Variants in MED16 observed in about 807,000 individuals in gnomAD.
The protein encoded by MED16 is mediator complex subunit 16.
Under a neutral mutation model 84.4 loss-of-function variants are expected in MED16, and 81 were observed. The ratio of observed to expected loss-of-function variants is 0.96; its 90% CI spans 0.80 to 1.15. MED16 has a LOEUF of 1.15. Ranked by LOEUF, MED16 falls within the 50% of genes most tolerant of loss-of-function variation. The probability of loss-of-function intolerance (pLI) is 0.00; values close to 1 mark genes in which losing one functional copy is unlikely to be tolerated. For missense variants in MED16, 1,585 were observed against 1,245.9 expected, an observed-to-expected ratio of 1.27 and a Z score of -4.10; for synonymous variants, 897 against 552.2, an observed-to-expected ratio of 1.62 and a Z score of -8.76.
chr19:881,133 C>T (rs2036412930), intron 7 of MED16, among the ~76,000 whole-genome samples: 1 of 151,894 alleles, frequency 6.6e-6, no homozygotes, highest in Admixed American at 6.6e-5. Flanking sequence ...CCGACTTGTC[C>T]ACATTTTACA....
chr19:870,713 A>G (rs565394968), intron 13 of MED16, among the ~76,000 whole-genome samples: 1 of 151,054 alleles, frequency 6.6e-6, no homozygotes, highest in South Asian at 2.1e-4. Context: ...ACTGGAGAAC[A>G]TGGAGGGAAG....
chr19:881,822 C>G, intron 6 of MED16, 108 bp from the exon 7 acceptor site: 1 of 1,333,244 alleles, frequency 7.5e-7, no homozygotes, highest in Non-Finnish European at 1.0e-6. Context: ...GGGCCCTTCC[C>G]AGGTCTCATG....
chr19:879,313 C>G (rs2036354097), intron 8 of MED16, among the ~76,000 whole-genome samples: 1 of 152,014 alleles, frequency 6.6e-6, no homozygotes, highest in Non-Finnish European at 1.5e-5. Context: ...CAATGCCCAC[C>G]AAGCCCAGCC....
intron 11 of MED16, 50 bp downstream of exon 11, chr19:873,394 TGATGA>T: frequency 6.7e-7 from 1 of 1,492,870 alleles, no homozygotes; most frequent in Non-Finnish European, 8.9e-7. Flanking sequence ...AGCGGGGTCC[TGATGA>T]GATGGGGGCC....
At chr19:887,434 G>C (rs62132323) in intron 4 of MED16, among the ~76,000 whole-genome samples, 1 of 151,764 alleles carries the variant, frequency 6.6e-6, no homozygotes, top group Non-Finnish European at 1.5e-5. Context: ...TTGGGAGGCC[G>C]AGGCGGGCAG....
At chr19:872,254 G>A (rs2036093854) in intron 11 of MED16, 136 bp from the exon 12 acceptor site, 1 of 712,774 alleles carries the variant, frequency 1.4e-6, no homozygotes. Context: ...TCAGGACTGG[G>A]GTGCTTCTGG....
chr19:875,597 C>T, intron 9 of MED16, 143 bp from the exon 10 acceptor site: 1 of 637,612 alleles, frequency 1.6e-6, no homozygotes. Context: ...CCTCAGCAAC[C>T]TCATGGCAAA....
rs2036142695 is a variant in MED16 at position 873,334 on chromosome 19, ACTCCAACTAG to A, written c.1905+105_1905+114del. The A allele has an allele frequency of 3.3e-5, 10 of 299,768 alleles. 1 individual carries two copies. In the East Asian group the frequency reaches 1.2e-3, roughly 35 times the overall value. 18.6% of individuals were successfully genotyped at this position (299,768 alleles called of 1,614,324 possible). ...GGGCGGGACTCCAAGTAGGGGCGGGACTCCAACTAGGGGCGGGGCTGAGGTGGTTTTGAGG... is the reference window on the plus strand; with the variant it reads ...GGGCGGGACTCCAAGTAGGGGCGGGAGGGCGGGGCTGAGGTGGTTTTGAGG... On this transcript the variant is annotated intron_variant, in intron 11 of 15. Transcript: ENST00000325464.
At chr19:873,276 T>C (rs1426386273) in intron 11 of MED16, among the ~76,000 whole-genome samples, 173 bp downstream of exon 11, 5 of 50,144 alleles carry the variant, frequency 1.0e-4, no homozygotes, top group Admixed American at 2.7e-4. Context: ...GGGGCTGAGG[T>C]GGGACTCCAA....
chr19:868,350 G>GAGTAGCTGAGA (rs1568315902), intron 15 of MED16, 66 bp downstream of exon 15: 3 of 1,592,066 alleles, frequency 1.9e-6, no homozygotes, highest in Non-Finnish European at 2.6e-6. Context: ...GGTAGCTGAG[G>GAGTAGCTGAGA]AGTAGCTGAG....
At chr19:870,940 G>C in intron 13 of MED16, 97 bp downstream of exon 13, 1 of 1,250,990 alleles carries the variant, frequency 8.0e-7, no homozygotes. Context: ...CCTGGGGCAG[G>C]ACATGCAGGG....
intron 6 of MED16, among the ~76,000 whole-genome samples, chr19:883,338 C>T (rs1345942024): frequency 2.4e-5 from 3 of 123,060 alleles, no homozygotes; most frequent in African/African-American, 3.3e-5. Context: ...CTGGGCATGG[C>T]GGGGACCGAA....
At chr19:885,661 A>G (rs1388793601) in intron 5 of MED16, 109 bp downstream of exon 5, 4 of 1,312,466 alleles carry the variant, frequency 3.0e-6, no homozygotes, top group East Asian at 4.9e-5. Flanking sequence ...CCCTGCCCAC[A>G]CCACGGTTTA....
chr19:875,100 G>A, intron 10 of MED16, 144 bp downstream of exon 10: 1 of 506,310 alleles, frequency 2.0e-6, no homozygotes, highest in Non-Finnish European at 3.3e-6. Flanking sequence ...AGAGGCGGAG[G>A]CTGCAGTGAG....
chr19:875,567 C>CA lies in MED16; in HGVS notation c.1561-114dup, dbSNP rs903802238. 14 of 824,984 alleles carry CA rather than the reference C, an allele frequency of 1.7e-5. No homozygotes were observed. The African/African-American group carries it at 2.4e-4, about 14-fold the overall frequency. 51.1% of individuals were successfully genotyped at this position (824,984 alleles called of 1,614,324 possible). A position where few individuals can be genotyped will look rare whatever the true frequency, so the allele number is the denominator to read the frequency against. ...GACACCAGGCGCTCGGTCAGCTGGG[C>CA]AAGCTGCTTCGCCTCTGCACCTCAG... is the stretch of plus-strand genomic sequence containing the variant. On this transcript the variant is annotated intron_variant, in intron 9 of 15. Transcript: ENST00000325464.
rs543527869 is a variant in MED16, at chr19:870,288, C to T, written c.2315+749G>A. On this transcript the variant is annotated intron_variant, in intron 13 of 15. Coordinates refer to ENST00000325464, the MANE Select transcript of MED16 (RefSeq NM_005481.3). ...AGGAAACACCAAGGCAAGGCCGGGG[C>T]GGTGGCTCACACCTGTAATCCCAGC... Among the ~76,000 whole-genome samples, 165 of 152,248 alleles carry T rather than the reference C, an allele frequency of 1.1e-3. 1 individual carries two copies. Among genetic ancestry groups the T allele is most frequent in the Non-Finnish European group, 1.1e-3 (75 of 68,004 alleles).
chr19:890,662 A>G (rs2036614512), intron 2 of MED16, among the ~76,000 whole-genome samples: 1 of 152,192 alleles, frequency 6.6e-6, no homozygotes, highest in Admixed American at 6.5e-5. Flanking sequence ...CCAGTGACAC[A>G]CACCGTCTAG....
At chr19:880,682 G>A (rs999231989) in intron 7 of MED16, among the ~76,000 whole-genome samples, 1 of 152,242 alleles carries the variant, frequency 6.6e-6, no homozygotes, top group Non-Finnish European at 1.5e-5. Flanking sequence ...CACTTTGGGA[G>A]GCTGAGGCGG....
intron 10 of MED16, among the ~76,000 whole-genome samples, chr19:874,401 C>T (rs1181861107): frequency 2.0e-5 from 3 of 152,106 alleles, no homozygotes; most frequent in Non-Finnish European, 4.4e-5. Flanking sequence ...CGAGTCGCCA[C>T]GCCCAGCAAC....
Sources: allele counts gnomAD v4.1 joint callset (sites outside exome capture counted in the v4.1 genomes callset), GRCh38; gene constraint gnomAD v4.1.1; transcripts MANE v1.5; gene names NCBI Gene and HGNC (gene_info 2026-07-23, HGNC 2026-07-21).